SDHD: variants seen among roughly 807,000 people sequenced by gnomAD.
The protein encoded by SDHD is succinate dehydrogenase complex subunit D.
Under a neutral mutation model 18.7 loss-of-function variants are expected in SDHD, and 6 were observed. That is an observed-to-expected ratio of 0.32 (90% CI 0.18 to 0.63). SDHD has a LOEUF of 0.63. SDHD is among the 30% of genes least tolerant of loss of function. The pLI is 0.79. For missense variants in SDHD, 160 were observed against 192.7 expected (o/e 0.83, Z 1.00); for synonymous variants, 56 against 73.9 (o/e 0.76, Z 1.24).
intron 2 of SDHD, 43 bp downstream of exon 2, chr11:112,088,016 C>G: frequency 7.5e-7 from 1 of 1,327,844 alleles, no homozygotes; most frequent in Non-Finnish European, 1.1e-6. Context: ...CTCTAGCCAT[C>G]TTTACCTTCA....
intron 3 of SDHD, among the ~76,000 whole-genome samples, chr11:112,090,547 T>TG (rs1318405745): frequency 2.6e-5 from 4 of 152,130 alleles, no homozygotes; most frequent in African/African-American, 7.2e-5. Flanking sequence ...GTTGTCATTG[T>TG]GGGGGGTAGG....
rs199754684 is a variant in SDHD, at chr11:112,088,978, C to G, written c.281C>G (p.Ser94Cys). The G allele has an allele frequency of 3.7e-6, 6 of 1,614,032 alleles. No homozygotes were observed. Among genetic ancestry groups the G allele is most frequent in the Admixed American group, 3.3e-5 (2 of 60,004 alleles). Residue 94 changes from serine to cysteine, a missense_variant, in exon 3 of 4, where the codon TCC (serine) becomes TGC (cysteine). Transcript: ENST00000375549. The part of the protein sequence containing the change: ...YLNPCSAMDY[S>C]LAAALTLHGH... Reference sequence around the variant, plus strand: ...AATCCTTGCTCTGCGATGGACTATTCCCTGGCTGCAGCCCTCACTCTTCAT... The same window carrying G: ...AATCCTTGCTCTGCGATGGACTATTGCCTGGCTGCAGCCCTCACTCTTCAT...
chr11:112,090,075 TGA>T (rs1865715594), intron 3 of SDHD, among the ~76,000 whole-genome samples: 1 of 151,716 alleles, frequency 6.6e-6, no homozygotes, highest in African/African-American at 2.4e-5. Flanking sequence ...ACTTGCTGAA[TGA>T]ATGAGCATCC....
chr11:112,093,132 T>C, intron 3 of SDHD: 1 of 384,770 alleles, frequency 2.6e-6, no homozygotes, highest in Non-Finnish European at 5.2e-6. Context: ...CTCAGCACGA[T>C]CTCAGCTTAC....
intron 3 of SDHD, 186 bp downstream of exon 3, chr11:112,089,197 C>A (rs901920373): frequency 1.1e-5 from 7 of 632,382 alleles, no homozygotes; most frequent in African/African-American, 5.5e-5. Context: ...TCTTTCAATT[C>A]GATTTCCGTA....
chr11:112,088,027 C>T, intron 2 of SDHD, 54 bp downstream of exon 2: 1 of 1,233,128 alleles, frequency 8.1e-7, no homozygotes, highest in Non-Finnish European at 1.2e-6. Context: ...TTTACCTTCA[C>T]TAATGGTCAT....
chr11:112,089,168 T>C (rs1865698614), intron 3 of SDHD, 157 bp downstream of exon 3: 1 of 698,674 alleles, frequency 1.4e-6, no homozygotes, highest in Non-Finnish European at 2.4e-6. Context: ...GATTTATATA[T>C]CTGCCTGCCT....
intron 2 of SDHD, 52 bp downstream of exon 2, chr11:112,088,025 C>A (rs759048194): frequency 1.3e-5 from 16 of 1,231,810 alleles, no homozygotes; most frequent in Admixed American, 8.4e-5. Flanking sequence ...TCTTTACCTT[C>A]ACTAATGGTC....
intron 3 of SDHD, among the ~76,000 whole-genome samples, chr11:112,089,254 C>T (rs1865701195): frequency 6.6e-6 from 1 of 152,174 alleles, no homozygotes; most frequent in South Asian, 2.1e-4. Context: ...TTTCTGATCT[C>T]CCCTAATCTG....
chr11:112,090,986 G>A (rs535041027), intron 3 of SDHD: 3 of 445,648 alleles, frequency 6.7e-6, no homozygotes, highest in South Asian at 9.6e-5. Context: ...GTGAACCACC[G>A]TGCCCAGCCT....
intron 3 of SDHD, among the ~76,000 whole-genome samples, chr11:112,092,461 C>T (rs552028283): frequency 1.6e-4 from 24 of 152,160 alleles, no homozygotes; most frequent in African/African-American, 5.5e-4. Context: ...CTTTTTAAAA[C>T]GTAAAATTAT....
intron 3 of SDHD, chr11:112,093,049 T>C (rs1865774383): frequency 5.2e-6 from 1 of 192,578 alleles, no homozygotes; most frequent in Admixed American, 6.2e-5. Context: ...TTTTTTTTTT[T>C]TTGAGACAGA....
At chr11:112,091,466 A>G (rs1432913204) in intron 3 of SDHD, among the ~76,000 whole-genome samples, 1 of 152,178 alleles carries the variant, frequency 6.6e-6, no homozygotes, top group Non-Finnish European at 1.5e-5. Context: ...CAAAATCTCC[A>G]GGGCTGAGTC....
intron 3 of SDHD, among the ~76,000 whole-genome samples, chr11:112,092,846 C>G (rs1190682032): frequency 6.6e-6 from 1 of 151,838 alleles, no homozygotes; most frequent in Non-Finnish European, 1.5e-5. Context: ...TTTATAATAG[C>G]CAAAGAGTGG....
At position 112,095,064 on chromosome 11, in the gene SDHD, T is replaced by G; in HGVS notation, c.*94T>G. 2 of 951,142 alleles carry G rather than the reference T, an allele frequency of 2.1e-6. No homozygotes were observed. The highest frequency in any genetic ancestry group is 2.4e-5 in the East Asian group (1 of 41,674). The allele number at this position is 951,142 out of a possible 1,614,324, so 58.9% of individuals were successfully genotyped here. A position where few individuals can be genotyped will look rare whatever the true frequency, so the allele number is the denominator to read the frequency against. On this transcript the variant is annotated 3_prime_UTR_variant, in exon 4 of 4. Transcript: ENST00000375549. ...CTCACAATAAGGAAGAAATAACAGA[T>G]AAGTCCATTGGTGGACAGCCTTCTT...
intron 1 of SDHD, 100 bp downstream of exon 1, chr11:112,087,059 G>A (rs1181059094): frequency 7.4e-6 from 10 of 1,350,298 alleles, no homozygotes; most frequent in Non-Finnish European, 1.1e-5. Flanking sequence ...CTCTTGAGGA[G>A]AAGAAAATAC....
chr11:112,086,986 C>G, intron 1 of SDHD, 27 bp downstream of exon 1: 1 of 1,613,376 alleles, frequency 6.2e-7, no homozygotes, highest in Non-Finnish European at 8.5e-7. Context: ...CCCTGAGGTG[C>G]TTAGCGTAGC....
At chr11:112,090,232 C>A (rs1566696595) in intron 3 of SDHD, among the ~76,000 whole-genome samples, 1 of 152,176 alleles carries the variant, frequency 6.6e-6, no homozygotes, top group African/African-American at 2.4e-5. Flanking sequence ...CCTCAGCCTC[C>A]CAAGTAGCTG....
chr11:112,089,575 G>A (rs570376756), intron 3 of SDHD, among the ~76,000 whole-genome samples: 30 of 152,142 alleles, frequency 2.0e-4, no homozygotes, highest in African/African-American at 7.0e-4. Context: ...ATTTTTAGCT[G>A]CTCTCTCTCT....
Sources: allele counts gnomAD v4.1 joint callset (sites outside exome capture counted in the v4.1 genomes callset), GRCh38; gene constraint gnomAD v4.1.1; transcripts MANE v1.5; gene names NCBI Gene and HGNC (gene_info 2026-07-23, HGNC 2026-07-21).